The following FANCE variants were observed in gnomAD, a reference collection of about 807,000 sequenced individuals.
The protein encoded by FANCE is FA complementation group E, also known as Fanconi anemia group E protein.
Under a neutral mutation model 57.8 loss-of-function variants are expected in FANCE, and 42 were observed. The observed-to-expected ratio is 0.73, with a 90% CI of 0.57 to 0.94. The LOEUF is 0.94. FANCE is among the 40% of genes least tolerant of loss of function. The pLI is 0.00. For synonymous variants in FANCE, 251 were observed against 286.4 expected, an observed-to-expected ratio of 0.88 and a Z score of 1.25; for missense variants, 608 against 661.8, an observed-to-expected ratio of 0.92 and a Z score of 0.89.
chr6:35,459,425 T>A lies in FANCE; in HGVS notation c.1208T>A (p.Leu403His), dbSNP rs1475519920. The A allele has an allele frequency of 6.2e-7, 1 of 1,614,164 alleles. No individual in the cohort carries two copies. Among genetic ancestry groups the A allele is most frequent in the Non-Finnish European group, 8.5e-7 (1 of 1,180,034 alleles). Reference sequence around the variant, plus strand: ...ACATACCCTGTCTGCAGCGCCCTCCTTGACCCTGTGCTCCAGGCCCCAGGC... The same window carrying A: ...ACATACCCTGTCTGCAGCGCCCTCCATGACCCTGTGCTCCAGGCCCCAGGC... ...KYTYPVCSAL[L>H]DPVLQAPGTG... Residue 403 changes from leucine (L) to histidine (H), a missense_variant, in exon 6 of 10, where the codon CTT (leucine) becomes CAT (histidine). Transcript: ENST00000229769.
intron 1 of FANCE, among the ~76,000 whole-genome samples, chr6:35,454,810 C>G (rs564938779): frequency 1.2e-3 from 179 of 152,364 alleles, no homozygotes; most frequent in South Asian, 3.9e-3. Flanking sequence ...CCTTCTGTTT[C>G]AAGTTTCATC....
intron 7 of FANCE, among the ~76,000 whole-genome samples, 176 bp downstream of exon 7, chr6:35,459,936 A>G (rs887755312): frequency 6.6e-6 from 1 of 151,894 alleles, no homozygotes; most frequent in Non-Finnish European, 1.5e-5. Context: ...TGTTCTCACG[A>G]TGCACTTTCT....
Position 35,458,407 on chromosome 6 carries a change from T to C in FANCE, c.1080T>C (p.Ala360=). The part of the protein sequence containing the change: ...ALSPDLSLSN[A]TVLTRSLFLG... ...CACCTGATCTCAGCCTCAGCAATGC[T>C]ACTGTGCTGACCAGAAGCCTCTTTC... The change falls in exon 5 of 10, where the codon GCT becomes GCC. Residue 360 remains alanine, a synonymous_variant. Coordinates refer to ENST00000229769, the MANE Select transcript of FANCE (RefSeq NM_021922.3). 2 of 1,614,152 alleles carry C rather than the reference T, an allele frequency of 1.2e-6. No individual in the cohort carries two copies. The highest frequency in any genetic ancestry group is 1.7e-6 in the Non-Finnish European group (2 of 1,180,022).
chr6:35,466,696 C>T lies in FANCE; in HGVS notation c.*351C>T. On this transcript the variant is annotated 3_prime_UTR_variant, in exon 10 of 10. Coordinates refer to ENST00000229769, the MANE Select transcript of FANCE (RefSeq NM_021922.3). Reference sequence around the variant, plus strand: ...CCTCCCATGTCAGCCTCCCAAGTAGCTGGGACTACATGCACATGACACTAT... The same window carrying T: ...CCTCCCATGTCAGCCTCCCAAGTAGTTGGGACTACATGCACATGACACTAT... 1 of 413,472 alleles carries T rather than the reference C, an allele frequency of 2.4e-6. No homozygotes were observed. The highest frequency in any genetic ancestry group is 2.4e-5 in the South Asian group (1 of 42,088). The allele number at this position is 413,472 out of a possible 1,614,324, so 25.6% of individuals were successfully genotyped here. A position where few individuals can be genotyped will look rare whatever the true frequency, so the allele number is the denominator to read the frequency against.
chr6:35,463,294 A>G (rs142038752), intron 9 of FANCE, among the ~76,000 whole-genome samples: 46 of 152,144 alleles, frequency 3.0e-4, no homozygotes, highest in African/African-American at 1.1e-3. Context: ...GTGAGACTCC[A>G]TCTCAAAAAC....
chr6:35,457,770 A>G lies in FANCE; in HGVS notation c.901-146A>G, dbSNP rs1767407387. The G allele has an allele frequency of 4.0e-6, 4 of 1,005,850 alleles. No homozygotes were observed. In the Admixed American group the frequency reaches 5.8e-5, roughly 15 times the overall value. 62.3% of individuals were successfully genotyped at this position (1,005,850 alleles called of 1,614,324 possible). On this transcript the variant is annotated intron_variant, in intron 3 of 9. Coordinates refer to ENST00000229769, the MANE Select transcript of FANCE (RefSeq NM_021922.3). ...GGAGCTTTTCTTGAACCAAGTGTAG[A>G]CTTACCATCTAACCCCAGGTAACTT...
At chr6:35,459,884 T>A in intron 7 of FANCE, 124 bp downstream of exon 7, 1 of 794,766 alleles carries the variant, frequency 1.3e-6, no homozygotes, top group Non-Finnish European at 2.2e-6. Context: ...GTGTATCATC[T>A]CACTCCATCC....
intron 4 of FANCE, 96 bp downstream of exon 4, chr6:35,458,080 T>C (rs1767421550): frequency 9.8e-6 from 13 of 1,321,168 alleles, no homozygotes; most frequent in Non-Finnish European, 1.3e-5. Context: ...GTGGGAAATG[T>C]GGGAGGGGAT....
At chr6:35,463,923 A>G (rs1767697414) in intron 9 of FANCE, among the ~76,000 whole-genome samples, 1 of 151,748 alleles carries the variant, frequency 6.6e-6, no homozygotes, top group Non-Finnish European at 1.5e-5. Context: ...CTCGGCCTCC[A>G]AAAGTGCTGG....
Position 35,466,885 on chromosome 6 carries a change from G to A in FANCE, c.*540G>A. ...TATTTCCAAAGGCTGCTGGCCCCAG[G>A]CACACTCCTCATCAATTCTCAGGCT... On this transcript the variant is annotated 3_prime_UTR_variant, in exon 10 of 10. Coordinates refer to ENST00000229769, the MANE Select transcript of FANCE (RefSeq NM_021922.3). The A allele has an allele frequency of 4.2e-6, 1 of 238,194 alleles. No individual in the cohort carries two copies. Among genetic ancestry groups the A allele is most frequent in the Non-Finnish European group, 8.3e-6 (1 of 120,862 alleles). 14.8% of individuals were successfully genotyped at this position (238,194 alleles called of 1,614,324 possible). A position where few individuals can be genotyped will look rare whatever the true frequency, so the allele number is the denominator to read the frequency against.
Position 35,456,177 on chromosome 6 carries a change from G to A in FANCE, c.679G>A (p.Glu227Lys), listed in dbSNP as rs1287242303. 3.1e-6 allele frequency: 5 copies of A among 1,614,202 alleles called. No homozygotes were observed. In the South Asian group the frequency reaches 4.4e-5, roughly 14 times the overall value. Reference sequence around the variant, plus strand: ...AAGATTACGGTGTTGGGAAGAGGAAGAAGATCATGAGAAGGAGAGACCCGA... The same window carrying A: ...AAGATTACGGTGTTGGGAAGAGGAAAAAGATCATGAGAAGGAGAGACCCGA... ...PKRLRCWEEE[E>K]DHEKERPEHK... is the part of the protein sequence containing the mutation. Residue 227 changes from glutamate (E) to lysine (K), a missense_variant, in exon 2 of 10, where the codon GAA becomes AAA. By Grantham distance (56) the Glu-to-Lys change is moderately conservative (BLOSUM62 1). Transcript: ENST00000229769. This position sits in a 1 kb window ranked among gnomAD's most constrained non-coding sequence, Gnocchi z 4.3.
chr6:35,452,900 C>T, intron 1 of FANCE, 107 bp downstream of exon 1: 1 of 1,162,322 alleles, frequency 8.6e-7, no homozygotes, highest in East Asian at 3.2e-5. Flanking sequence ...GCCTGCCGCG[C>T]ACCCTATGAG....
In FANCE at chr6:35,457,925, G is replaced by A; in HGVS notation, c.910G>A (p.Gly304Arg). 1 of 1,614,088 alleles carries A rather than the reference G, an allele frequency of 6.2e-7. No homozygotes were observed. Among genetic ancestry groups the A allele is most frequent in the Non-Finnish European group, 8.5e-7 (1 of 1,179,958 alleles). ...LLKTLEEGLE[G>R]LEDAPPVELQ... Reference sequence around the variant, plus strand: ...AGATTTGTCTCCCCAGGGGTTAGAGGGATTGGAGGATGCCCCCCCAGTTGA... The same window carrying A: ...AGATTTGTCTCCCCAGGGGTTAGAGAGATTGGAGGATGCCCCCCCAGTTGA... The change falls in exon 4 of 10, where the codon GGA becomes AGA. Residue 304 changes from glycine (G) to arginine (R), a missense_variant. Physicochemically the swap from Gly to Arg is moderately radical, Grantham distance 125 (BLOSUM62 -2). Coordinates refer to ENST00000229769, the MANE Select transcript of FANCE (RefSeq NM_021922.3).
chr6:35,459,492 C>T (rs772158030), intron 6 of FANCE, 38 bp downstream of exon 6: 2 of 1,613,394 alleles, frequency 1.2e-6, no homozygotes, highest in East Asian at 2.2e-5. Context: ...GTAGCTCTGC[C>T]CTCAGTGTTC....
intron 5 of FANCE, 106 bp downstream of exon 5, chr6:35,458,546 T>A: frequency 1.4e-6 from 2 of 1,439,816 alleles, no homozygotes; most frequent in South Asian, 2.3e-5. Flanking sequence ...CTTGTAGACA[T>A]CTGGGCTGTT....
chr6:35,455,403 G>A (rs1056113552), intron 1 of FANCE, among the ~76,000 whole-genome samples: 1 of 151,984 alleles, frequency 6.6e-6, no homozygotes, highest in Non-Finnish European at 1.5e-5. Flanking sequence ...TGACTCCCGG[G>A]TTCAAGCGAT....
chr6:35,462,799 C>A lies in FANCE; in HGVS notation c.1394C>A (p.Thr465Asn). The change falls in exon 9 of 10, where the codon ACC becomes AAC. Residue 465 changes from threonine (T) to asparagine (N), a missense_variant. By Grantham distance (65) the Thr-to-Asn change is moderately conservative. Coordinates refer to ENST00000229769, the MANE Select transcript of FANCE (RefSeq NM_021922.3). ...TCCCAATGTGTGCAGGTGGAGATGA[C>A]CCCTGAGAAGTTCAGTGTCTTAATG... The part of the protein sequence containing the change: ...QSLLERQVEM[T>N]PEKFSVLMEK... 1 of 1,614,138 alleles carries A rather than the reference C, an allele frequency of 6.2e-7. No homozygotes were observed. Among genetic ancestry groups the A allele is most frequent in the Admixed American group, 1.7e-5 (1 of 60,028 alleles).
At chr6:35,466,209 G>A (rs765559263) in intron 9 of FANCE, 35 bp from the exon 10 acceptor site, 1 of 1,361,252 alleles carries the variant, frequency 7.3e-7, no homozygotes, top group South Asian at 1.2e-5. Context: ...GGGATCAGTT[G>A]CTGGAGTCCT....
At chr6:35,454,795 T>G (rs1767260045) in intron 1 of FANCE, among the ~76,000 whole-genome samples, 1 of 152,230 alleles carries the variant, frequency 6.6e-6, no homozygotes, top group Non-Finnish European at 1.5e-5. Flanking sequence ...ATCTGTAAAG[T>G]GATTCCTTCT....
Sources: allele counts gnomAD v4.1 joint callset (sites outside exome capture counted in the v4.1 genomes callset), GRCh38; gene constraint gnomAD v4.1.1; non-coding constraint Gnocchi (gnomAD v3.1); transcripts MANE v1.5; gene names NCBI Gene and HGNC (gene_info 2026-07-23, HGNC 2026-07-21).